Variants in PZP observed in about 807,000 individuals in gnomAD.
PZP encodes PZP alpha-2-macroglobulin like.
In PZP, 150 loss-of-function variants were observed where a neutral mutation model predicts 179.8. The observed-to-expected ratio is 0.83, with a 90% CI of 0.73 to 0.96. The LOEUF is 0.96. Ranked by LOEUF, PZP falls within the 40% of genes least tolerant of loss-of-function variation. PZP has a pLI of 0.00. For synonymous variants in PZP, 624 were observed against 652.3 expected, an observed-to-expected ratio of 0.96 and a Z score of 0.66; for missense variants, 1,689 against 1,764.0, an observed-to-expected ratio of 0.96 and a Z score of 0.76.
At chr12:9,203,176 G>T (rs941509859) in intron 2 of PZP, among the ~76,000 whole-genome samples, 3 of 152,108 alleles carry the variant, frequency 2.0e-5, no homozygotes, top group Non-Finnish European at 4.4e-5. Flanking sequence ...ATCAAAACTA[G>T]AAAACTCCTC....
Position 9,196,397 on chromosome 12 carries a change from A to C in PZP, c.1025T>G (p.Ile342Ser), listed in dbSNP as rs1422702952. ...TTTCACGAATTTGAGTTTGGATACA[A>C]TGTTTGTGATTTCACTGATCCTGTT... is the stretch of plus-strand genomic sequence containing the variant. The part of the protein sequence containing the change: ...TANRISEITN[I>S]VSKLKFVKVD... Residue 342 changes from isoleucine to serine, a missense_variant, in exon 10 of 36, where the codon ATT becomes AGT. Coordinates refer to ENST00000261336, the MANE Select transcript of PZP (RefSeq NM_002864.3). 6.2e-7 allele frequency: 1 copy of C among 1,613,732 alleles called. No homozygotes were observed. Among genetic ancestry groups the C allele is most frequent in the African/African-American group, 1.3e-5 (1 of 74,916 alleles).
At chr12:9,142,517 G>A in the PZP span, among the ~76,000 whole-genome samples, 15 of 152,248 alleles carry the variant, frequency 9.9e-5, no homozygotes, top group South Asian at 1.2e-3. Context: ...TTAAAGTCAC[G>A]TGAACTGAAA....
At chr12:9,197,985 T>C (rs1943933044) in intron 7 of PZP, among the ~76,000 whole-genome samples, 1 of 135,972 alleles carries the variant, frequency 7.4e-6, no homozygotes, top group South Asian at 2.1e-4. Context: ...ATATATATTA[T>C]ATATATATTT....
intron 13 of PZP, among the ~76,000 whole-genome samples, chr12:9,188,277 G>A (rs994834710): frequency 6.6e-6 from 1 of 152,064 alleles, no homozygotes; most frequent in Non-Finnish European, 1.5e-5. Flanking sequence ...ACAAAAATAC[G>A]ATTATCTTAT....
chr12:9,154,632 C>A lies in PZP; in HGVS notation c.3758G>T (p.Gly1253Val), dbSNP rs1940609696. 1 of 1,614,164 alleles carries A rather than the reference C, an allele frequency of 6.2e-7. No individual in the cohort carries two copies. The highest frequency in any genetic ancestry group is 2.2e-5 in the East Asian group (1 of 44,884). ...ACCACTGACCTGGGTGGAGGAGAAA[C>A]CACCTTGGGCGTTCTGCTGCTTCAT... is the stretch of plus-strand genomic sequence containing the variant. ...WIMKQQNAQG[G>V]FSSTQDTVVA... Residue 1253 changes from glycine (G) to valine (V), a missense_variant, in exon 29 of 36, where the codon GGT becomes GTT. Physicochemically the swap from Gly to Val is moderately radical, Grantham distance 109. Coordinates refer to ENST00000261336, the MANE Select transcript of PZP (RefSeq NM_002864.3).
intron 11 of PZP, among the ~76,000 whole-genome samples, chr12:9,193,226 G>A (rs7305469): frequency 0.28 from 42,094 of 151,920 alleles, 5,925 homozygotes; most frequent in East Asian, 0.4. Flanking sequence ...TGTGATTTCT[G>A]AAACTTTAAG....
intron 29 of PZP, among the ~76,000 whole-genome samples, chr12:9,154,292 A>G (rs573339763): frequency 1.9e-4 from 29 of 152,312 alleles, no homozygotes; most frequent in African/African-American, 6.7e-4. Flanking sequence ...TCCTTTTACA[A>G]CGATGATGTG....
intron 15 of PZP, among the ~76,000 whole-genome samples, chr12:9,176,546 T>C (rs185043411): frequency 5.2e-5 from 8 of 152,382 alleles, no homozygotes; most frequent in Admixed American, 5.2e-4. Flanking sequence ...AATGAACTTA[T>C]GCCATTATAT....
chr12:9,156,899 T>G (rs1940796089), intron 28 of PZP, among the ~76,000 whole-genome samples: 1 of 152,058 alleles, frequency 6.6e-6, no homozygotes, highest in African/African-American at 2.4e-5. Flanking sequence ...AAAAAAACTT[T>G]TATTATTTAT....
At chr12:9,181,213 C>A in intron 14 of PZP, 81 bp from the exon 15 acceptor site, 1 of 1,566,870 alleles carries the variant, frequency 6.4e-7, no homozygotes, top group South Asian at 1.1e-5. Context: ...CTAAGCCACC[C>A]TTATATTCAG....
rs1277438079 is a variant in PZP at position 9,196,317 on chromosome 12, C to T, written c.1092+13G>A. 3.2e-6 allele frequency: 5 copies of T among 1,575,364 alleles called. No homozygotes were observed. In the East Asian group the frequency reaches 9.0e-5, roughly 28 times the overall value. ...GGATACTTTGCTTACCTGTGCATTACAACATATCTTACCTGTGCAAAAAAG... is the reference window on the plus strand; with the variant it reads ...GGATACTTTGCTTACCTGTGCATTATAACATATCTTACCTGTGCAAAAAAG... On this transcript the variant is annotated intron_variant, in intron 10 of 35. Coordinates refer to ENST00000261336, the MANE Select transcript of PZP (RefSeq NM_002864.3).
intron 32 of PZP, 97 bp from the exon 33 acceptor site, chr12:9,151,769 C>T: frequency 2.1e-6 from 2 of 933,912 alleles, no homozygotes; most frequent in Non-Finnish European, 3.3e-6. Context: ...AATGGTCATT[C>T]TCTGAAGAGA....
rs1432920282 is a variant in PZP at position 9,154,665 on chromosome 12, T to C, written c.3725A>G (p.Lys1242Arg). The C allele has an allele frequency of 2.5e-6, 4 of 1,614,202 alleles. 1 individual carries two copies. The highest frequency in any genetic ancestry group is 3.3e-5 in the Admixed American group (2 of 60,034). Residue 1242 changes from lysine (K) to arginine (R), a missense_variant, in exon 29 of 36, where the codon AAG becomes AGG. Coordinates refer to ENST00000261336, the MANE Select transcript of PZP (RefSeq NM_002864.3). ...GDLTSATNIV[K>R]WIMKQQNAQG... is the part of the protein sequence containing the mutation. ...GGCGTTCTGCTGCTTCATGATCCAC[T>C]TCACAATGTTAGTTGCAGAGGTCAG...
chr12:9,182,227 C>G (rs919480931), intron 13 of PZP, 110 bp from the exon 14 acceptor site: 1 of 1,039,770 alleles, frequency 9.6e-7, no homozygotes, highest in African/African-American at 1.6e-5. Flanking sequence ...AGAACTGCGT[C>G]CATTCATTCT....
chr12:9,207,831 C>T (rs1459579699), intron 1 of PZP, among the ~76,000 whole-genome samples: 1 of 152,144 alleles, frequency 6.6e-6, no homozygotes, highest in Non-Finnish European at 1.5e-5. Flanking sequence ...CTGCTTTGGT[C>T]CCCCACTGGG....
Position 9,153,106 on chromosome 12 carries a change from T to C in PZP, c.3993+19A>G. On this transcript the variant is annotated intron_variant, in intron 30 of 35. Coordinates refer to ENST00000261336, the MANE Select transcript of PZP (RefSeq NM_002864.3). ...CAAGTTTAAAGTTGACTCTCACCCA[T>C]ATAAGCTTGGAGCCCTACCTGAAGA... is the stretch of plus-strand genomic sequence containing the variant. 1.2e-6 allele frequency: 2 copies of C among 1,612,894 alleles called. No individual in the cohort carries two copies. Among genetic ancestry groups the C allele is most frequent in the African/African-American group, 1.3e-5 (1 of 75,024 alleles).
rs899845631 is a variant in PZP at position 9,201,109 on chromosome 12, C to A, written c.502-49G>T. ...GCGGTAATCATTTAGTCACAATAGT[C>A]CTTGAGCAACTCAAATGATTTTGAA... On this transcript the variant is annotated intron_variant, in intron 5 of 35. Coordinates refer to ENST00000261336, the MANE Select transcript of PZP (RefSeq NM_002864.3). 4 of 1,593,912 alleles carry A rather than the reference C, an allele frequency of 2.5e-6. No homozygotes were observed. In the African/African-American group the frequency reaches 5.4e-5, roughly 21 times the overall value.
rs548209720 is a variant in PZP, at chr12:9,193,421, A to G, written c.1254+656T>C. Among the ~76,000 whole-genome samples, 185 of 152,278 alleles carry G rather than the reference A, an allele frequency of 1.2e-3. No individual in the cohort carries two copies. In the Middle Eastern group the frequency reaches 0.014, roughly 11 times the overall value. On this transcript the variant is annotated intron_variant, in intron 11 of 35. Transcript: ENST00000261336. ...TGCGCATAAACACATCATACTAATA[A>G]TTTACAGATCTTTTAACTCCATGAA...
At position 9,202,555 on chromosome 12, in the gene PZP, C is replaced by A. The variant is rs964321851; in HGVS notation, c.397G>T (p.Asp133Tyr). 1 of 1,614,124 alleles carries A rather than the reference C, an allele frequency of 6.2e-7. No homozygotes were observed. Among genetic ancestry groups the A allele is most frequent in the African/African-American group, 1.3e-5 (1 of 75,036 alleles). The change falls in exon 3 of 36, where the codon GAC (aspartate) becomes TAC (tyrosine). Residue 133 changes from aspartate (D) to tyrosine (Y), a missense_variant. Asp to Tyr is a radical substitution (Grantham distance 160, BLOSUM62 -3). Transcript: ENST00000261336. Reference sequence around the variant, plus strand: ...TGTCCTGGTTTATACATGGGTTTGTCTGTCTGGACAAAGACCAGACTTTGG... The same window carrying A: ...TGTCCTGGTTTATACATGGGTTTGTATGTCTGGACAAAGACCAGACTTTGG... ...NTQSLVFVQTDKPMYKPGQTV... is the reference protein window; with the variant it reads ...NTQSLVFVQTYKPMYKPGQTV...
Sources: gnomAD v4.1 joint callset for allele counts (sites outside exome capture counted in the v4.1 genomes callset) on GRCh38, gnomAD v4.1.1 for gene constraint, MANE v1.5 for transcripts, NCBI Gene and HGNC (gene_info 2026-07-23, HGNC 2026-07-21) for gene names.